RAB27A: variants seen among roughly 807,000 people sequenced by gnomAD.
The protein encoded by RAB27A is ras-related protein Rab-27A.
RAB27A carries 17 observed loss-of-function variants against 20.8 expected under a neutral mutation model. That is an observed-to-expected ratio of 0.82 (90% CI 0.56 to 1.23). RAB27A has a LOEUF of 1.23. Ranked by LOEUF, RAB27A falls within the 50% of genes most tolerant of loss-of-function variation. The pLI is 0.00. For synonymous variants in RAB27A, 85 were observed against 92.8 expected, an observed-to-expected ratio of 0.92 and a Z score of 0.48; for missense variants, 277 against 266.7, an observed-to-expected ratio of 1.04 and a Z score of -0.27.
intron 5 of RAB27A, among the ~76,000 whole-genome samples, chr15:55,226,721 A>G (rs1895815519): frequency 6.6e-6 from 1 of 151,854 alleles, no homozygotes. Flanking sequence ...TACAAAAATT[A>G]GCTGGGGGTG....
At chr15:55,310,200 T>G (rs1409516345) in intron 2 of RAB27A, among the ~76,000 whole-genome samples, 3 of 152,118 alleles carry the variant, frequency 2.0e-5, no homozygotes, top group African/African-American at 4.8e-5. Flanking sequence ...AAGTATCTAG[T>G]GACTGGCTGT....
chr15:55,304,459 T>TA (rs1042232751), intron 2 of RAB27A, among the ~76,000 whole-genome samples: 2 of 127,280 alleles, frequency 1.6e-5, no homozygotes, highest in African/African-American at 7.4e-5. Context: ...GAATTATCAA[T>TA]AAAAAAATAA....
At chr15:55,291,663 C>T (rs1898315723), upstream of RAB27A, among the ~76,000 whole-genome samples, 1 of 152,090 alleles carries the variant, frequency 6.6e-6, no homozygotes, top group Non-Finnish European at 1.5e-5. Flanking sequence ...CAGGGAAAGC[C>T]TGCCTTCAGC....
rs77837596 is a variant in RAB27A at position 55,230,518 on chromosome 15, G to A, written c.154-32C>T. 2.9e-4 allele frequency: 451 copies of A among 1,565,796 alleles called. 1 individual carries two copies. The African/African-American group carries it at 5.4e-3, about 19-fold the overall frequency. ...CAGCAAAGTGAAAGAGAAAACAAAA[G>A]AGAACTTCTAACACCAGCGAACCTT... On this transcript the variant is annotated intron_variant, in intron 3 of 6. Coordinates refer to ENST00000336787, the MANE Select transcript of RAB27A (RefSeq NM_183235.3).
chr15:55,238,208 T>C (rs992541971), intron 2 of RAB27A: 1 of 152,154 alleles, frequency 6.6e-6, no homozygotes, highest in Non-Finnish European at 1.5e-5. Context: ...GGGTTCAGTT[T>C]TCTAAAGGGT....
At chr15:55,234,650 A>G in intron 3 of RAB27A, 132 bp downstream of exon 3, 1 of 976,892 alleles carries the variant, frequency 1.0e-6, no homozygotes. Flanking sequence ...GATTGAACAT[A>G]ACTCACTTTC....
At chr15:55,275,968 G>C (rs958972272) in intron 1 of RAB27A, among the ~76,000 whole-genome samples, 6 of 150,152 alleles carry the variant, frequency 4.0e-5, no homozygotes, top group African/African-American at 1.5e-4. Context: ...CAAGGATGTG[G>C]AGAAAAGGGA....
chr15:55,206,342 C>T lies in RAB27A; in HGVS notation c.468-637G>A, dbSNP rs963982603. 1.8e-5 allele frequency: 14 copies of T among 756,760 alleles called. No individual in the cohort carries two copies. In the South Asian group the frequency reaches 3.1e-4, roughly 16 times the overall value. The allele number at this position is 756,760 out of a possible 1,614,324, so 46.9% of individuals were successfully genotyped here. A position where few individuals can be genotyped will look rare whatever the true frequency, so the allele number is the denominator to read the frequency against. On this transcript the variant is annotated intron_variant, in intron 6 of 6. Transcript: ENST00000336787. Reference sequence around the variant, plus strand: ...ACAGAGACAGAATTAAATCTTTTTTCGTTTAAGTTTTTGGAGGGTTTTTTG... The same window carrying T: ...ACAGAGACAGAATTAAATCTTTTTTTGTTTAAGTTTTTGGAGGGTTTTTTG...
intron 2 of RAB27A, among the ~76,000 whole-genome samples, chr15:55,255,256 C>T (rs145632107): frequency 6.2e-4 from 95 of 152,344 alleles, no homozygotes; most frequent in African/African-American, 2.1e-3. Flanking sequence ...TCCACTCTCA[C>T]CCTGGAAGCC....
intron 5 of RAB27A, among the ~76,000 whole-genome samples, chr15:55,227,334 A>C (rs1233753148): frequency 1.3e-5 from 2 of 152,190 alleles, no homozygotes; most frequent in Non-Finnish European, 2.9e-5. Flanking sequence ...AGTTGATTTT[A>C]AAAAGCCCCA....
chr15:55,234,051 T>G (rs1566911240), intron 3 of RAB27A, among the ~76,000 whole-genome samples: 1 of 152,152 alleles, frequency 6.6e-6, no homozygotes, highest in Non-Finnish European at 1.5e-5. Context: ...TGACAGAATA[T>G]GATCCATTAA....
chr15:55,256,109 G>T (rs1402809599), intron 2 of RAB27A, among the ~76,000 whole-genome samples: 17 of 152,148 alleles, frequency 1.1e-4, no homozygotes, highest in Admixed American at 1.1e-3. Flanking sequence ...GTAGAGGCTG[G>T]GAGGTCAGAA....
At chr15:55,256,167 CTAT>C (rs1221785111) in intron 2 of RAB27A, among the ~76,000 whole-genome samples, 23 of 152,160 alleles carry the variant, frequency 1.5e-4, no homozygotes, top group Admixed American at 1.5e-3. Flanking sequence ...GTAATCCCAC[CTAT>C]TCAAGAGACT....
intron 2 of RAB27A, among the ~76,000 whole-genome samples, chr15:55,254,262 A>G (rs1897001031): frequency 6.6e-6 from 1 of 152,144 alleles, no homozygotes; most frequent in African/African-American, 2.4e-5. Flanking sequence ...CTTTTAAGTT[A>G]TTACTTTCCT....
At chr15:55,230,346 T>A in intron 4 of RAB27A, 55 bp downstream of exon 4, 1 of 1,489,118 alleles carries the variant, frequency 6.7e-7, no homozygotes, top group Non-Finnish European at 9.4e-7. Context: ...GTTTGAAGAA[T>A]GTAACTATTT....
chr15:55,210,564 A>T (rs1215474272), intron 6 of RAB27A, among the ~76,000 whole-genome samples: 1 of 152,062 alleles, frequency 6.6e-6, no homozygotes, highest in African/African-American at 2.4e-5. Flanking sequence ...TGCCATTTGC[A>T]GATCTTTTGA....
chr15:55,259,939 C>A (rs529058736), intron 2 of RAB27A: 1 of 152,124 alleles, frequency 6.6e-6, no homozygotes, highest in African/African-American at 2.4e-5. Flanking sequence ...GGACATGAAC[C>A]CTTCACATTT....
At chr15:55,228,091 A>G (rs553098902) in intron 5 of RAB27A, among the ~76,000 whole-genome samples, 1 of 152,314 alleles carries the variant, frequency 6.6e-6, no homozygotes, top group African/African-American at 2.4e-5. Context: ...AGAGTTTTCC[A>G]TGGCAGAATC....
At chr15:55,292,006 A>C (rs1268034938), upstream of RAB27A, among the ~76,000 whole-genome samples, 1 of 152,200 alleles carries the variant, frequency 6.6e-6, no homozygotes, top group Non-Finnish European at 1.5e-5. Context: ...GGAGAAGAGA[A>C]TTCCAGGAAA....
Sources: gnomAD v4.1 joint callset for allele counts (sites outside exome capture counted in the v4.1 genomes callset) on GRCh38, gnomAD v4.1.1 for gene constraint, MANE v1.5 for transcripts, NCBI Gene and HGNC (gene_info 2026-07-23, HGNC 2026-07-21) for gene names.